The following LTBP1 variants were observed in gnomAD, a reference collection of about 807,000 sequenced individuals.
LTBP1 encodes latent-transforming growth factor beta-binding protein 1.
Under a neutral mutation model 207.6 loss-of-function variants are expected in LTBP1, and 129 were observed. The ratio of observed to expected loss-of-function variants is 0.62; its 90% CI spans 0.54 to 0.72. LTBP1 has a LOEUF of 0.72. LTBP1 is among the 30% of genes least tolerant of loss of function. LTBP1 has a pLI of 0.00. For missense variants in LTBP1, 2,281 were observed against 2,217.2 expected, an observed-to-expected ratio of 1.03 and a Z score of -0.58; for synonymous variants, 963 against 833.7, an observed-to-expected ratio of 1.16 and a Z score of -2.67.
intron 2 of LTBP1, among the ~76,000 whole-genome samples, chr2:33,018,460 A>G (rs1448011375): frequency 1.3e-5 from 2 of 152,162 alleles, no homozygotes; most frequent in Non-Finnish European, 2.9e-5. Context: ...GAGAAGGCAC[A>G]CATGAAAGGG....
At chr2:33,121,159 CTT>C (rs61065486) in intron 4 of LTBP1, among the ~76,000 whole-genome samples, 74 of 87,536 alleles carry the variant, frequency 8.5e-4, no homozygotes, top group South Asian at 5.6e-3. Context: ...TTTGTAAAGT[CTT>C]TTTTTTTTTT....
intron 4 of LTBP1, among the ~76,000 whole-genome samples, chr2:33,113,669 A>G (rs17325551): frequency 0.2 from 30,101 of 152,068 alleles, 3,270 homozygotes; most frequent in Middle Eastern, 0.28. Flanking sequence ...TTGACATCCT[A>G]TGTTGGGTGT....
At chr2:33,115,734 T>A (rs984155951) in intron 4 of LTBP1, among the ~76,000 whole-genome samples, 2 of 152,274 alleles carry the variant, frequency 1.3e-5, no homozygotes, top group Non-Finnish European at 1.5e-5. Context: ...TAATTTTTTT[T>A]AACCCAGAGG....
At chr2:33,353,864 T>G (rs1189105209) in intron 26 of LTBP1, among the ~76,000 whole-genome samples, 1 of 150,688 alleles carries the variant, frequency 6.6e-6, no homozygotes, top group Admixed American at 6.6e-5. Context: ...GTACGCCTTT[T>G]TTTTTTTTTT....
At chr2:33,389,985 G>A (rs1012218873) in intron 32 of LTBP1, among the ~76,000 whole-genome samples, 2 of 152,186 alleles carry the variant, frequency 1.3e-5, no homozygotes, top group East Asian at 1.9e-4. Flanking sequence ...TCTTTAAGTG[G>A]TGGACTAGTT....
chr2:33,181,419 A>T (rs2086623334), intron 5 of LTBP1, among the ~76,000 whole-genome samples: 1 of 152,220 alleles, frequency 6.6e-6, no homozygotes. Context: ...ATGGTGGAAT[A>T]CAACTGAAAC....
intron 4 of LTBP1, among the ~76,000 whole-genome samples, chr2:33,133,114 G>A (rs1352207390): frequency 6.6e-6 from 1 of 152,168 alleles, no homozygotes; most frequent in African/African-American, 2.4e-5. Context: ...GATGAGAGAT[G>A]GTTGCGTTAG....
At chr2:33,145,704 C>G (rs770533049) in intron 5 of LTBP1, among the ~76,000 whole-genome samples, 1 of 151,836 alleles carries the variant, frequency 6.6e-6, no homozygotes, top group Non-Finnish European at 1.5e-5. Context: ...AATCCCATAG[C>G]GTGCCCAGAA....
chr2:32,984,970 A>G (rs1159692222), intron 2 of LTBP1, among the ~76,000 whole-genome samples: 1 of 145,378 alleles, frequency 6.9e-6, no homozygotes, highest in East Asian at 2.1e-4. Context: ...AAAACCAGTT[A>G]TGGTCATTTT....
intron 13 of LTBP1, 124 bp downstream of exon 13, chr2:33,259,734 G>A: frequency 1.2e-6 from 1 of 819,874 alleles, no homozygotes; most frequent in Non-Finnish European, 1.8e-6. Flanking sequence ...TTTGGTTTGA[G>A]TTAATATAGC....
At chr2:33,243,320 G>C (rs2092399015) in intron 9 of LTBP1, among the ~76,000 whole-genome samples, 1 of 152,188 alleles carries the variant, frequency 6.6e-6, no homozygotes, top group African/African-American at 2.4e-5. Flanking sequence ...GACTGTCAGT[G>C]CTTCTAGAGT....
chr2:33,173,136 G>A (rs1425601906), intron 5 of LTBP1, among the ~76,000 whole-genome samples: 1 of 152,006 alleles, frequency 6.6e-6, no homozygotes, highest in African/African-American at 2.4e-5. Flanking sequence ...CTAGCAGAAG[G>A]CAAGAAATAA....
intron 9 of LTBP1, among the ~76,000 whole-genome samples, chr2:33,222,374 G>A (rs1231109934): frequency 1.3e-5 from 2 of 152,206 alleles, no homozygotes; most frequent in African/African-American, 2.4e-5. Context: ...ATCTAAAAGA[G>A]TTTGGATAGA....
chr2:33,222,976 C>G (rs568334349), intron 9 of LTBP1, among the ~76,000 whole-genome samples: 1 of 152,142 alleles, frequency 6.6e-6, no homozygotes, highest in South Asian at 2.1e-4. Context: ...ACTGAGAAAG[C>G]AGAGAGCCTC....
chr2:33,221,463 T>C (rs1262930911), intron 8 of LTBP1, among the ~76,000 whole-genome samples: 1 of 152,206 alleles, frequency 6.6e-6, no homozygotes, highest in Non-Finnish European at 1.5e-5. Flanking sequence ...TGTTGAGAAG[T>C]TGGTGATTGC....
At chr2:33,042,951 G>A (rs1338585034) in intron 3 of LTBP1, among the ~76,000 whole-genome samples, 3 of 152,180 alleles carry the variant, frequency 2.0e-5, no homozygotes, top group Non-Finnish European at 4.4e-5. Flanking sequence ...AAACAGCCAG[G>A]CCTATGGTTT....
At chr2:33,079,640 A>G (rs2078282690) in intron 3 of LTBP1, among the ~76,000 whole-genome samples, 2 of 152,102 alleles carry the variant, frequency 1.3e-5, no homozygotes, top group South Asian at 4.2e-4. Flanking sequence ...TTTCTAAATA[A>G]CCAGTTGCAC....
Position 33,275,048 on chromosome 2 carries a change from C to T in LTBP1, c.2827C>T (p.Pro943Ser). 6.2e-7 allele frequency: 1 copy of T among 1,614,010 alleles called. No homozygotes were observed. The highest frequency in any genetic ancestry group is 8.5e-7 in the Non-Finnish European group (1 of 1,179,960). The change falls in exon 17 of 34, where the codon CCA (proline) becomes TCA (serine). Residue 943 changes from proline (P) to serine (S), a missense_variant. This residue lies in a region of LTBP1 where 1,671 missense variants were observed against 1,634.8 expected (regional missense o/e 1.02). Transcript: ENST00000404816. Reference sequence around the variant, plus strand: ...CGAGGGAAGTTTCTTGTGCATTTGCCCAGCAGGATTTATGGCCAGTGAGGA... The same window carrying T: ...CGAGGGAAGTTTCTTGTGCATTTGCTCAGCAGGATTTATGGCCAGTGAGGA... ...NTEGSFLCIC[P>S]AGFMASEEGT...
chr2:33,278,865 C>T (rs977512414), intron 18 of LTBP1, among the ~76,000 whole-genome samples: 2 of 152,084 alleles, frequency 1.3e-5, no homozygotes, highest in Admixed American at 1.3e-4. Flanking sequence ...AGAATTTTTA[C>T]TGATAGAAAA....
Sources: allele counts gnomAD v4.1 joint callset (sites outside exome capture counted in the v4.1 genomes callset), GRCh38; gene constraint gnomAD v4.1.1; regional missense constraint gnomAD v4.1.1; transcripts MANE v1.5; gene names NCBI Gene and HGNC (gene_info 2026-07-23, HGNC 2026-07-21).